FAM169A: variants seen among roughly 807,000 people sequenced by gnomAD.
FAM169A encodes the protein family with sequence similarity 169 member A.
A neutral mutation model predicts 75.7 loss-of-function variants in FAM169A; 24 were observed. The ratio of observed to expected loss-of-function variants is 0.32; its 90% CI spans 0.23 to 0.45. The LOEUF is 0.45. Among genes scored for constraint, FAM169A ranks in the 20% least tolerant of loss-of-function variants. The pLI is 1.00. For synonymous variants in FAM169A, 271 were observed against 271.0 expected, an observed-to-expected ratio of 1.00 and a Z score of 0.00; for missense variants, 673 against 784.0, an observed-to-expected ratio of 0.86 and a Z score of 1.69.
Position 74,816,698 on chromosome 5 carries a change from T to C in FAM169A, c.491-2679A>G, listed in dbSNP as rs1189129366. ...CACCAAAAGCTGTGGATTTACCTAGTAAAGCAAAAACTATAACCTGCTGTC... is the reference window on the plus strand; with the variant it reads ...CACCAAAAGCTGTGGATTTACCTAGCAAAGCAAAAACTATAACCTGCTGTC... On this transcript the variant is annotated intron_variant, in intron 5 of 12. Coordinates refer to ENST00000687041, the MANE Select transcript of FAM169A (RefSeq NM_001376049.1). Among the ~76,000 whole-genome samples, 90 of 152,236 alleles carry C rather than the reference T, an allele frequency of 5.9e-4. 2 individuals carry two copies. The highest frequency in any genetic ancestry group is 5.8e-3 in the Admixed American group (89 of 15,282).
intron 4 of FAM169A, 68 bp from the exon 5 acceptor site, chr5:74,834,665 T>G: frequency 1.6e-6 from 2 of 1,280,312 alleles, no homozygotes; most frequent in Non-Finnish European, 2.1e-6. Flanking sequence ...GCTATTTACT[T>G]TGCTCCCTGC....
At chr5:74,858,688 C>T (rs1279565926) in intron 1 of FAM169A, among the ~76,000 whole-genome samples, 6 of 152,078 alleles carry the variant, frequency 3.9e-5, no homozygotes, top group Admixed American at 2.0e-4. Flanking sequence ...CAGCAACACG[C>T]AATTCGCCCA....
At chr5:74,819,085 G>A (rs1248348218) in intron 5 of FAM169A, among the ~76,000 whole-genome samples, 2 of 151,976 alleles carry the variant, frequency 1.3e-5, no homozygotes, top group Non-Finnish European at 2.9e-5. Context: ...TGGGCGTGGT[G>A]GCACACACCT....
chr5:74,829,031 C>T (rs1333364719), intron 5 of FAM169A, among the ~76,000 whole-genome samples: 4 of 152,116 alleles, frequency 2.6e-5, no homozygotes, highest in Admixed American at 6.6e-5. Context: ...CAAAGTTCTA[C>T]GCCTGAGGTC....
intron 1 of FAM169A, chr5:74,865,488 G>A (rs890328446): frequency 2.6e-5 from 4 of 152,270 alleles, no homozygotes; most frequent in Admixed American, 2.6e-4. Flanking sequence ...AGTCATGGGA[G>A]TCAGTGTAAT....
intron 5 of FAM169A, among the ~76,000 whole-genome samples, chr5:74,833,854 G>T (rs192263332): frequency 6.6e-6 from 1 of 152,134 alleles, no homozygotes; most frequent in Admixed American, 6.5e-5. Flanking sequence ...CAGGTATGAG[G>T]TTGCACTATT....
Position 74,783,022 on chromosome 5 carries a change from A to G in FAM169A, c.1373T>C (p.Leu458Ser). The G allele has an allele frequency of 6.2e-7, 1 of 1,613,420 alleles. No homozygotes were observed. The highest frequency in any genetic ancestry group is 1.7e-5 in the Admixed American group (1 of 60,014). The change falls in exon 12 of 13, where the codon TTG (leucine) becomes TCG (serine). Residue 458 changes from leucine to serine, a missense_variant. Physicochemically the swap from Leu to Ser is moderately radical, Grantham distance 145. Transcript: ENST00000687041. ...GTCTTCACTGGAATTAAAAGGCTGCAATTTTAATTCTTCATCTAAAACTTC... is the reference window on the plus strand; with the variant it reads ...GTCTTCACTGGAATTAAAAGGCTGCGATTTTAATTCTTCATCTAAAACTTC... ...TSEVLDEELKLQPFNSSEDST... is the reference protein window; with the variant it reads ...TSEVLDEELKSQPFNSSEDST...
intron 6 of FAM169A, among the ~76,000 whole-genome samples, chr5:74,812,034 C>T (rs1041108746): frequency 6.6e-6 from 1 of 152,176 alleles, no homozygotes; most frequent in African/African-American, 2.4e-5. Context: ...GGTAGAAGTA[C>T]ATAGAAGGCT....
At chr5:74,817,535 TA>T (rs1199560577) in intron 5 of FAM169A, among the ~76,000 whole-genome samples, 2 of 151,710 alleles carry the variant, frequency 1.3e-5, no homozygotes, top group East Asian at 1.9e-4. Flanking sequence ...AGAGAACACC[TA>T]AAAAAAATGG....
chr5:74,842,615 T>A (rs1174641281), intron 1 of FAM169A, among the ~76,000 whole-genome samples: 1 of 143,334 alleles, frequency 7.0e-6, no homozygotes, highest in South Asian at 2.4e-4. Flanking sequence ...CTATGTAACC[T>A]TGAACTCTTG....
At chr5:74,862,319 C>G (rs1430187507) in intron 1 of FAM169A, among the ~76,000 whole-genome samples, 12 of 152,228 alleles carry the variant, frequency 7.9e-5, no homozygotes, top group Non-Finnish European at 1.0e-4. Flanking sequence ...CCCAACCCAC[C>G]ATGGGACCTG....
rs766705681 is a variant in FAM169A, at chr5:74,796,115, A to G, written c.1175T>C (p.Ile392Thr). Residue 392 changes from isoleucine to threonine, a missense_variant, in exon 11 of 13, where the codon ATT (isoleucine) becomes ACT (threonine). Coordinates refer to ENST00000687041, the MANE Select transcript of FAM169A (RefSeq NM_001376049.1). ...FLEEEPEQRG[I>T]EFEDESSDRD... ...ATCACTGCTTTCATCCTCAAATTCAATCCCTCTCTGTTCAGGTTCTTCTTC... is the reference window on the plus strand; with the variant it reads ...ATCACTGCTTTCATCCTCAAATTCAGTCCCTCTCTGTTCAGGTTCTTCTTC... 17 of 1,613,780 alleles carry G rather than the reference A, an allele frequency of 1.1e-5. No individual in the cohort carries two copies. The South Asian group carries it at 1.6e-4, about 16-fold the overall frequency.
At chr5:74,815,557 CAAGT>C (rs900156521) in intron 5 of FAM169A, among the ~76,000 whole-genome samples, 19 of 152,216 alleles carry the variant, frequency 1.2e-4, no homozygotes, top group African/African-American at 3.6e-4. Context: ...ACAAATCTAA[CAAGT>C]AATCTTGTCA....
At chr5:74,804,353 C>A in intron 8 of FAM169A, 140 bp downstream of exon 8, 1 of 399,540 alleles carries the variant, frequency 2.5e-6, no homozygotes, top group Non-Finnish European at 4.4e-6. Context: ...ACAGAAGATG[C>A]CAGGAAAACT....
At chr5:74,807,856 C>T (rs1056653115) in intron 6 of FAM169A, among the ~76,000 whole-genome samples, 22 of 152,294 alleles carry the variant, frequency 1.4e-4, no homozygotes, top group African/African-American at 3.6e-4. Flanking sequence ...CAGCGGCTCA[C>T]GCCTGTAATC....
chr5:74,810,293 G>C (rs1394385388), intron 6 of FAM169A, among the ~76,000 whole-genome samples: 2 of 152,142 alleles, frequency 1.3e-5, no homozygotes, highest in African/African-American at 2.4e-5. Flanking sequence ...ATCAGTGCTT[G>C]CCTGGAGTGA....
intron 5 of FAM169A, among the ~76,000 whole-genome samples, chr5:74,818,679 G>A (rs1455183858): frequency 2.7e-5 from 4 of 147,232 alleles, no homozygotes; most frequent in Non-Finnish European, 3.0e-5. Context: ...GTGTTTCCTC[G>A]GGAACAAATG....
At chr5:74,814,750 T>C (rs1747383179) in intron 5 of FAM169A, among the ~76,000 whole-genome samples, 1 of 152,210 alleles carries the variant, frequency 6.6e-6, no homozygotes. Context: ...GCTCTATATC[T>C]GGGTTTTGAC....
chr5:74,793,122 C>G (rs778653883), intron 11 of FAM169A, among the ~76,000 whole-genome samples: 25 of 151,928 alleles, frequency 1.6e-4, no homozygotes, highest in Admixed American at 1.1e-3. Flanking sequence ...GTCAAGAGAT[C>G]GAGACCATCC....
Sources: allele counts gnomAD v4.1 joint callset (sites outside exome capture counted in the v4.1 genomes callset), GRCh38; gene constraint gnomAD v4.1.1; transcripts MANE v1.5; gene names NCBI Gene and HGNC (gene_info 2026-07-23, HGNC 2026-07-21).